KCNH7: variants seen among roughly 807,000 people sequenced by gnomAD.
KCNH7 encodes potassium voltage-gated channel subfamily H member 7.
Under a neutral mutation model 120.8 loss-of-function variants are expected in KCNH7, and 49 were observed. The observed-to-expected ratio is 0.41, with a 90% confidence interval of 0.32 to 0.51. KCNH7 has a LOEUF of 0.51. Among genes scored for constraint, KCNH7 ranks in the 20% least tolerant of loss-of-function variants. The pLI is 0.38. For missense variants in KCNH7, 1,097 were observed against 1,446.6 expected (o/e 0.76, Z 3.92); for synonymous variants, 547 against 516.1 (o/e 1.06, Z -0.81).
intron 2 of KCNH7, among the ~76,000 whole-genome samples, chr2:162,749,194 C>T (rs1688455662): frequency 6.6e-6 from 1 of 150,992 alleles, no homozygotes; most frequent in Non-Finnish European, 1.5e-5. Flanking sequence ...CCTCTGCTTT[C>T]CTTTCTTTCT....
chr2:162,374,893 C>A (rs978247066), intron 14 of KCNH7, among the ~76,000 whole-genome samples: 1 of 152,018 alleles, frequency 6.6e-6, no homozygotes, highest in Admixed American at 6.6e-5. Flanking sequence ...ATGTCAAAAC[C>A]ACTCTGAAAA....
chr2:162,625,615 G>T (rs1006561293), intron 2 of KCNH7, among the ~76,000 whole-genome samples: 3 of 152,100 alleles, frequency 2.0e-5, no homozygotes, highest in African/African-American at 7.2e-5. Context: ...TAAGCACAAA[G>T]AAAAATATCA....
chr2:162,457,653 C>T (rs1689013392), intron 6 of KCNH7, among the ~76,000 whole-genome samples: 1 of 152,142 alleles, frequency 6.6e-6, no homozygotes, highest in Admixed American at 6.6e-5. Flanking sequence ...ATTAAGCTTT[C>T]CAAAAGATTA....
intron 2 of KCNH7, among the ~76,000 whole-genome samples, chr2:162,621,352 C>A (rs572112700): frequency 7.2e-6 from 1 of 139,750 alleles, no homozygotes; most frequent in South Asian, 2.3e-4. Flanking sequence ...AAATGAGGAG[C>A]CACAACACAA....
At chr2:162,458,662 G>C (rs1322771066) in intron 6 of KCNH7, among the ~76,000 whole-genome samples, 1 of 152,136 alleles carries the variant, frequency 6.6e-6, no homozygotes, top group Non-Finnish European at 1.5e-5. Context: ...ATGAGTAAGA[G>C]TTTTACAAAT....
intron 2 of KCNH7, among the ~76,000 whole-genome samples, chr2:162,737,491 G>A (rs955585808): frequency 4.6e-5 from 7 of 151,932 alleles, no homozygotes; most frequent in Non-Finnish European, 8.8e-5. Context: ...TCATTTGGGT[G>A]CAAGATAAAA....
intron 2 of KCNH7, among the ~76,000 whole-genome samples, chr2:162,593,314 G>A (rs1435128202): frequency 1.3e-5 from 2 of 152,064 alleles, no homozygotes; most frequent in Admixed American, 6.6e-5. Context: ...GTATAGTGGG[G>A]ATAATAATAT....
chr2:162,739,083 C>T (rs1688023222), intron 2 of KCNH7, among the ~76,000 whole-genome samples: 1 of 152,164 alleles, frequency 6.6e-6, no homozygotes, highest in Admixed American at 6.5e-5. Flanking sequence ...TCAGGCCCTT[C>T]TGAAATACTG....
rs368853485 is a variant in KCNH7, at chr2:162,836,646, G to A, written c.198C>T (p.Cys66=). The A allele has an allele frequency of 6.2e-6, 10 of 1,613,982 alleles. No homozygotes were observed. Among genetic ancestry groups the A allele is most frequent in the South Asian group, 1.1e-5 (1 of 91,082 alleles). ...TGGTCTCGGGTCCATGGAGAAAGTC[G>A]CAGGTGCATGGCTTTTGCATGACAT... The part of the protein sequence containing the change: ...RPDVMQKPCT[C]DFLHGPETKR... Residue 66 remains cysteine, a synonymous_variant, in exon 2 of 16, where the codon TGC becomes TGT. Coordinates refer to ENST00000332142, the MANE Select transcript of KCNH7 (RefSeq NM_033272.4).
Position 162,518,053 on chromosome 2 carries a change from T to C in KCNH7, c.569A>G (p.His190Arg). The change falls in exon 4 of 16, where the codon CAC (histidine) becomes CGC (arginine). Residue 190 changes from histidine to arginine, a missense_variant. Physicochemically the swap from His to Arg is conservative, Grantham distance 29. This residue lies in a region of KCNH7 where 362 missense variants were observed against 372.2 expected (regional missense o/e 0.97). Coordinates refer to ENST00000332142, the MANE Select transcript of KCNH7 (RefSeq NM_033272.4). ...CTTCATGGCTACTGAATCATCACTG[T>C]GTTTAGATGAATCGATGACCACCAC... ...PDVVVIDSSK[H>R]SDDSVAMKHF... 6.2e-7 allele frequency: 1 copy of C among 1,612,414 alleles called. No homozygotes were observed. Among genetic ancestry groups the C allele is most frequent in the South Asian group, 1.1e-5 (1 of 91,040 alleles).
intron 2 of KCNH7, among the ~76,000 whole-genome samples, chr2:162,615,493 G>A (rs1233332595): frequency 1.3e-5 from 2 of 152,122 alleles, no homozygotes; most frequent in South Asian, 4.1e-4. Flanking sequence ...GGTGGCTTGT[G>A]CATTCTTTGT....
chr2:162,528,860 A>G (rs1205348416), intron 3 of KCNH7, among the ~76,000 whole-genome samples: 4 of 151,960 alleles, frequency 2.6e-5, no homozygotes, highest in Admixed American at 6.6e-5. Flanking sequence ...TATATGAGAG[A>G]GATAGTTAAG....
chr2:162,482,181 C>A (rs1454818366), intron 6 of KCNH7, among the ~76,000 whole-genome samples: 1 of 152,120 alleles, frequency 6.6e-6, no homozygotes, highest in Non-Finnish European at 1.5e-5. Context: ...TTAAACTTAC[C>A]TGGAGATGAT....
At chr2:162,761,827 T>C (rs10186859) in intron 2 of KCNH7, among the ~76,000 whole-genome samples, 108,891 of 152,032 alleles carry the variant, frequency 0.72, 44,456 homozygotes, top group Non-Finnish European at 0.92. Context: ...TTTGAGTCTA[T>C]AGATCCAGCT....
At chr2:162,682,434 AG>A (rs1303280904) in intron 2 of KCNH7, among the ~76,000 whole-genome samples, 76 of 151,622 alleles carry the variant, frequency 5.0e-4, no homozygotes, top group African/African-American at 9.2e-4. Context: ...AGAGAGAGAG[AG>A]AGAGAGACTA....
intron 2 of KCNH7, among the ~76,000 whole-genome samples, chr2:162,590,288 T>C (rs1253514779): frequency 6.6e-6 from 1 of 152,048 alleles, no homozygotes; most frequent in Non-Finnish European, 1.5e-5. Context: ...TTTATCCGAG[T>C]GCATCTGAGT....
chr2:162,407,053 T>C (rs1687248657), intron 9 of KCNH7, among the ~76,000 whole-genome samples: 1 of 152,060 alleles, frequency 6.6e-6, no homozygotes, highest in Non-Finnish European at 1.5e-5. Context: ...TACTTTCATG[T>C]GGCTGAAGAA....
At chr2:162,832,305 C>A (rs954485595) in intron 2 of KCNH7, among the ~76,000 whole-genome samples, 1 of 151,998 alleles carries the variant, frequency 6.6e-6, no homozygotes, top group Non-Finnish European at 1.5e-5. Flanking sequence ...ATTAAGAGAG[C>A]TGAATGTTTT....
At chr2:162,835,048 A>G (rs10497229) in intron 2 of KCNH7, among the ~76,000 whole-genome samples, 11,542 of 152,210 alleles carry the variant, frequency 0.076, 839 homozygotes, top group African/African-American at 0.19. Flanking sequence ...CTCAAAAGAC[A>G]TGAGTTACAT....
Sources: allele counts gnomAD v4.1 joint callset (sites outside exome capture counted in the v4.1 genomes callset), GRCh38; gene constraint gnomAD v4.1.1; regional missense constraint gnomAD v4.1.1; transcripts MANE v1.5; gene names NCBI Gene and HGNC (gene_info 2026-07-23, HGNC 2026-07-21).